Variants in MYRIP observed in about 807,000 individuals in gnomAD.
The protein encoded by MYRIP is myosin VIIA and Rab interacting protein, also known as rab effector MyRIP.
In MYRIP, 49 loss-of-function variants were observed where a neutral mutation model predicts 98.0. The observed-to-expected ratio is 0.50, with a 90% CI of 0.40 to 0.63. The LOEUF (loss-of-function observed/expected upper bound fraction) is 0.63, where lower values mean the gene tolerates loss of function less well. MYRIP is among the 30% of genes least tolerant of loss of function. The pLI, the probability that MYRIP is intolerant of heterozygous loss-of-function variation, is 0.00. For synonymous variants in MYRIP, 404 were observed against 409.5 expected (o/e 0.99, Z 0.16); for missense variants, 1,004 against 1,058.2 (o/e 0.95, Z 0.71).
chr3:39,925,855 G>A (rs1226953903), intron 2 of MYRIP, among the ~76,000 whole-genome samples: 1 of 152,066 alleles, frequency 6.6e-6, no homozygotes, highest in African/African-American at 2.4e-5. Context: ...CCAGTAGTGG[G>A]ATGGCTGGGT....
intron 11 of MYRIP, among the ~76,000 whole-genome samples, chr3:40,218,642 A>T (rs1434962745): frequency 7.2e-6 from 1 of 139,192 alleles, no homozygotes. Context: ...ATATATATAT[A>T]TATATATATA....
At chr3:40,154,443 C>G (rs1199954508) in intron 4 of MYRIP, among the ~76,000 whole-genome samples, 1 of 152,124 alleles carries the variant, frequency 6.6e-6, no homozygotes, top group Non-Finnish European at 1.5e-5. Flanking sequence ...AGCCAAAACT[C>G]TAGTGGAGAA....
At chr3:40,123,352 G>A (rs535445363) in intron 3 of MYRIP, among the ~76,000 whole-genome samples, 1 of 152,266 alleles carries the variant, frequency 6.6e-6, no homozygotes, top group African/African-American at 2.4e-5. Context: ...ATTGTCCTTT[G>A]GTCAAGAGAC....
intron 1 of MYRIP, among the ~76,000 whole-genome samples, chr3:39,864,861 A>C (rs1400320872): frequency 6.6e-6 from 1 of 152,202 alleles, no homozygotes; most frequent in Non-Finnish European, 1.5e-5. Context: ...CCTAAGCAAA[A>C]AGAACAAACC....
rs554866117 is a variant in MYRIP at position 40,131,838 on chromosome 3, T to G, written c.333-19210T>G. ...AGGACAAATTTCCCCCTCCCTCATA[T>G]CTCCTCTTTTCCAAAACTTTTAACT... On this transcript the variant is annotated intron_variant, in intron 3 of 16. Coordinates refer to ENST00000302541, the MANE Select transcript of MYRIP (RefSeq NM_015460.4). Among the ~76,000 whole-genome samples the G allele has an allele frequency of 9.2e-4, 140 of 152,156 alleles. 3 individuals are homozygous for G. The South Asian group carries it at 0.027, about 30-fold the overall frequency.
At chr3:39,952,005 A>G (rs1464248565) in intron 2 of MYRIP, among the ~76,000 whole-genome samples, 1 of 152,186 alleles carries the variant, frequency 6.6e-6, no homozygotes, top group Non-Finnish European at 1.5e-5. Context: ...AATCAGATTT[A>G]GAATATTTTC....
At chr3:39,947,939 C>T (rs935682541) in intron 2 of MYRIP, among the ~76,000 whole-genome samples, 3 of 152,126 alleles carry the variant, frequency 2.0e-5, no homozygotes, top group African/African-American at 7.2e-5. Context: ...TTCAGAGCTA[C>T]AAGAAAATGC....
chr3:40,099,123 G>A (rs533142311), intron 3 of MYRIP, among the ~76,000 whole-genome samples: 3 of 152,224 alleles, frequency 2.0e-5, no homozygotes, highest in South Asian at 2.1e-4. Context: ...GTGACCACCC[G>A]ATTTTGCCCT....
intron 2 of MYRIP, among the ~76,000 whole-genome samples, chr3:39,923,208 A>G (rs1944343067): frequency 6.6e-6 from 1 of 152,156 alleles, no homozygotes; most frequent in Non-Finnish European, 1.5e-5. Context: ...CTATGGGACT[A>G]TAATACAGGA....
At chr3:39,946,526 G>T (rs1368261640) in intron 2 of MYRIP, among the ~76,000 whole-genome samples, 1 of 152,270 alleles carries the variant, frequency 6.6e-6, no homozygotes, top group East Asian at 1.9e-4. Context: ...AGTGTGAGAG[G>T]TTATTAACTG....
intron 2 of MYRIP, among the ~76,000 whole-genome samples, chr3:40,032,971 C>T (rs1159123609): frequency 6.6e-6 from 1 of 151,940 alleles, no homozygotes; most frequent in Admixed American, 6.6e-5. Flanking sequence ...ACAAAAACCA[C>T]AGGATTATCT....
intron 13 of MYRIP, among the ~76,000 whole-genome samples, chr3:40,245,999 C>A (rs915871840): frequency 2.7e-5 from 4 of 148,334 alleles, no homozygotes; most frequent in Admixed American, 6.8e-5. Context: ...TGACCTCAGG[C>A]GATCCACCCG....
rs777658065 is a variant in MYRIP, at chr3:40,258,503, T to C, written c.*337T>C. 4.1e-4 allele frequency: 110 copies of C among 269,332 alleles called. No homozygotes were observed. Among genetic ancestry groups the C allele is most frequent in the Non-Finnish European group, 7.1e-4 (99 of 140,160 alleles). 16.7% of individuals were successfully genotyped at this position (269,332 alleles called of 1,614,324 possible). ...GTTGACTTTAAGATCTTTTTTTAAA[T>C]ACATTTGATTCAGCTAGTATTCCAT... On this transcript the variant is annotated 3_prime_UTR_variant, in exon 17 of 17. Coordinates refer to ENST00000302541, the MANE Select transcript of MYRIP (RefSeq NM_015460.4).
At position 39,959,921 on chromosome 3, in the gene MYRIP, T is replaced by A. The variant is rs114397713; in HGVS notation, c.110+58995T>A. 9.2e-3 allele frequency among the ~76,000 whole-genome samples: 1,399 copies of A among 151,778 alleles called. 29 individuals carry two copies. The highest frequency in any genetic ancestry group is 0.031 in the African/African-American group (1,281 of 41,436). ...TTCCTTATCAACTTAGTGCCCCCCA[T>A]GTGAGCAGGCTGAACTGAGTACTTG... On this transcript the variant is annotated intron_variant, in intron 2 of 16. Transcript: ENST00000302541.
intron 12 of MYRIP, among the ~76,000 whole-genome samples, chr3:40,241,379 G>A (rs139301395): frequency 6.6e-6 from 1 of 152,306 alleles, no homozygotes; most frequent in East Asian, 1.9e-4. Flanking sequence ...AGAGGATGTA[G>A]CACTAGAACT....
In MYRIP at chr3:39,894,908, C is replaced by T. The variant is rs80180103; in HGVS notation, c.-30-5879C>T. ...CCAGATTGCCATCTAAACATTTATA[C>T]TTACTTATAGCCCCTCTACAAATGT... On this transcript the variant is annotated intron_variant, in intron 1 of 16. Transcript: ENST00000302541. Among the ~76,000 whole-genome samples, 1,408 of 152,296 alleles carry T rather than the reference C, an allele frequency of 9.2e-3. 26 individuals are homozygous for T. The highest frequency in any genetic ancestry group is 0.032 in the African/African-American group (1,331 of 41,542).
At chr3:40,241,958 C>T (rs1953028926) in intron 12 of MYRIP, among the ~76,000 whole-genome samples, 1 of 152,170 alleles carries the variant, frequency 6.6e-6, no homozygotes, top group African/African-American at 2.4e-5. Flanking sequence ...CATAGTAACT[C>T]TAGTACCTTT....
intron 2 of MYRIP, among the ~76,000 whole-genome samples, chr3:40,002,509 T>C (rs1346357739): frequency 6.6e-6 from 1 of 151,582 alleles, no homozygotes; most frequent in African/African-American, 2.4e-5. Context: ...CACTCCAGCC[T>C]GGGCAACAAG....
chr3:40,109,304 A>G (rs1165530417), intron 3 of MYRIP, among the ~76,000 whole-genome samples: 1 of 152,204 alleles, frequency 6.6e-6, no homozygotes, highest in Non-Finnish European at 1.5e-5. Flanking sequence ...AAATGTAGTG[A>G]CTGAGAGAGG....
Sources: gnomAD v4.1 joint callset for allele counts (sites outside exome capture counted in the v4.1 genomes callset) on GRCh38, gnomAD v4.1.1 for gene constraint, MANE v1.5 for transcripts, NCBI Gene and HGNC (gene_info 2026-07-23, HGNC 2026-07-21) for gene names.